PHLDB2: variants seen among roughly 807,000 people sequenced by gnomAD.
PHLDB2 encodes pleckstrin homology like domain family B member 2.
In PHLDB2, 71 loss-of-function variants were observed where a neutral mutation model predicts 123.6. The ratio of observed to expected loss-of-function variants is 0.57; its 90% CI spans 0.47 to 0.70. The LOEUF is 0.70. Ranked by LOEUF, PHLDB2 falls within the 30% of genes least tolerant of loss-of-function variation. The pLI, the probability that PHLDB2 is intolerant of heterozygous loss-of-function variation, is 0.00. For missense variants in PHLDB2, 1,446 were observed against 1,519.5 expected, an observed-to-expected ratio of 0.95 and a Z score of 0.80; for synonymous variants, 547 against 541.6, an observed-to-expected ratio of 1.01 and a Z score of -0.14.
At chr3:111,836,273 C>A (rs893484967) in intron 1 of PHLDB2, among the ~76,000 whole-genome samples, 1 of 152,156 alleles carries the variant, frequency 6.6e-6, no homozygotes, top group African/African-American at 2.4e-5. Flanking sequence ...GAATAAGAAG[C>A]CCTGTTCACC....
intron 2 of PHLDB2, among the ~76,000 whole-genome samples, chr3:111,847,634 C>T (rs1437501940): frequency 7.9e-5 from 12 of 151,000 alleles, no homozygotes; most frequent in African/African-American, 2.9e-4. Context: ...AAATGTGGAT[C>T]TTAGCTTTTT....
intron 1 of PHLDB2, among the ~76,000 whole-genome samples, chr3:111,780,439 T>G (rs2060425366): frequency 6.7e-6 from 1 of 149,800 alleles, no homozygotes; most frequent in South Asian, 2.1e-4. Context: ...AACTTTCTGT[T>G]TCACATGCCT....
At chr3:111,754,204 G>C (rs956066272) in intron 1 of PHLDB2, among the ~76,000 whole-genome samples, 1 of 149,898 alleles carries the variant, frequency 6.7e-6, no homozygotes, top group African/African-American at 2.5e-5. Flanking sequence ...TTGGTAGCTT[G>C]ATGGGGATGG....
At chr3:111,904,306 G>A (rs1399671827) in intron 2 of PHLDB2, among the ~76,000 whole-genome samples, 2 of 131,504 alleles carry the variant, frequency 1.5e-5, no homozygotes, top group African/African-American at 5.5e-5. Flanking sequence ...GGGTTCTGTG[G>A]AGGTAAGAAG....
intron 1 of PHLDB2, among the ~76,000 whole-genome samples, chr3:111,736,280 TACAAG>T (rs1399818897): frequency 6.6e-6 from 1 of 152,242 alleles, no homozygotes; most frequent in African/African-American, 2.4e-5. Flanking sequence ...TAACATAATG[TACAAG>T]ACAAATTTGT....
intron 1 of PHLDB2, among the ~76,000 whole-genome samples, chr3:111,780,396 A>AGAAGAG (rs1559827434): frequency 8.1e-5 from 4 of 49,208 alleles, no homozygotes; most frequent in African/African-American, 1.8e-4. Flanking sequence ...AAGAAGAAGA[A>AGAAGAG]GAAGAAGAAG....
rs932904272 is a variant in PHLDB2 at position 111,969,834 on chromosome 3, G to A, written c.3460G>A (p.Gly1154Ser). 1 of 1,613,888 alleles carries A rather than the reference G, an allele frequency of 6.2e-7. No homozygotes were observed. The highest frequency in any genetic ancestry group is 8.5e-7 in the Non-Finnish European group (1 of 1,179,940). The stretch of plus-strand genomic sequence containing the variant: ...CTGCCGAGGATTCCTCATCAAAATG[G>A]GTGGGAAAATTAAAACGTGGAAAAA... ...KTCRGFLIKM[G>S]GKIKTWKKRW... Residue 1154 changes from glycine (G) to serine (S), a missense_variant, in exon 16 of 18, where the codon GGT (glycine) becomes AGT (serine). By Grantham distance (56) the Gly-to-Ser change is moderately conservative. Around this residue, in one of 3 missense-constraint regions of PHLDB2, gnomAD observed 594 missense variants for 646.0 expected, o/e 0.92. Coordinates refer to ENST00000431670, the MANE Select transcript of PHLDB2 (RefSeq NM_001134438.2).
chr3:111,751,319 C>G (rs1284179845), intron 1 of PHLDB2, among the ~76,000 whole-genome samples: 1 of 152,132 alleles, frequency 6.6e-6, no homozygotes, highest in Non-Finnish European at 1.5e-5. Flanking sequence ...CAAGAAATAT[C>G]TTGCACTGAC....
intron 1 of PHLDB2, among the ~76,000 whole-genome samples, chr3:111,790,865 A>G (rs1158014354): frequency 6.6e-6 from 1 of 152,186 alleles, no homozygotes; most frequent in Non-Finnish European, 1.5e-5. Flanking sequence ...CAAGAAAACC[A>G]CCAATATCTA....
chr3:111,848,100 G>A (rs1245567694), intron 2 of PHLDB2, among the ~76,000 whole-genome samples: 2 of 152,104 alleles, frequency 1.3e-5, no homozygotes, highest in Non-Finnish European at 1.5e-5. Context: ...ACCTTCCCCC[G>A]TGTACATTCC....
chr3:111,963,228 G>A (rs1462521841), intron 13 of PHLDB2, among the ~76,000 whole-genome samples: 2 of 152,062 alleles, frequency 1.3e-5, no homozygotes, highest in Non-Finnish European at 2.9e-5. Flanking sequence ...CCCAACTCCC[G>A]TTCATTCTCC....
intron 1 of PHLDB2, among the ~76,000 whole-genome samples, chr3:111,829,927 A>AACAC (rs72357648): frequency 0.06 from 8,180 of 135,886 alleles, 281 homozygotes; most frequent in African/African-American, 0.082. Flanking sequence ...AACTATTCAA[A>AACAC]ACACACACAC....
At position 111,813,947 on chromosome 3, in the gene PHLDB2, T is replaced by C. The variant is rs140739417; in HGVS notation, c.-48-31874T>C. Among the ~76,000 whole-genome samples the C allele has an allele frequency of 3.5e-4, 53 of 152,320 alleles. 1 individual carries two copies. In the Middle Eastern group the frequency reaches 0.01, roughly 29 times the overall value. ...CATCCACTTAAGGGGCTTCTTTTTA[T>C]TCTATGTCATTTGTTCAAAATGCTC... On this transcript the variant is annotated intron_variant, in intron 1 of 17. Transcript: ENST00000393923.
upstream of PHLDB2, among the ~76,000 whole-genome samples, chr3:111,855,553 G>A (rs1200335894): frequency 2.8e-5 from 4 of 145,434 alleles, no homozygotes; most frequent in Non-Finnish European, 6.0e-5. Context: ...CTAAAAGAAA[G>A]TCTGGTAATA....
Position 111,962,439 on chromosome 3 carries a change from T to C in PHLDB2, c.3077+127T>C, listed in dbSNP as rs712521. On this transcript the variant is annotated intron_variant, in intron 13 of 17. Transcript: ENST00000431670. Reference sequence around the variant, plus strand: ...TTTTTGAGACATAAAGGGTCTGTAATGCAGAAGAGGGTTGGTATCATGATG... The same window carrying C: ...TTTTTGAGACATAAAGGGTCTGTAACGCAGAAGAGGGTTGGTATCATGATG... 20,508 of 731,446 alleles carry C rather than the reference T, an allele frequency of 0.028. 2,810 individuals are homozygous for C. In the African/African-American group the frequency reaches 0.31, roughly 11 times the overall value. 45.3% of individuals were successfully genotyped at this position (731,446 alleles called of 1,614,324 possible).
At chr3:111,938,802 C>T (rs527628068) in intron 6 of PHLDB2, among the ~76,000 whole-genome samples, 1 of 144,802 alleles carries the variant, frequency 6.9e-6, no homozygotes, top group Non-Finnish European at 1.6e-5. Context: ...TCCTTTCTTT[C>T]TTTTTTTATT....
intron 1 of PHLDB2, among the ~76,000 whole-genome samples, chr3:111,818,269 CTTGT>C (rs2062197570): frequency 6.6e-6 from 1 of 150,644 alleles, no homozygotes; most frequent in Admixed American, 6.7e-5. Flanking sequence ...GATGATAGAC[CTTGT>C]TTGAGATGAA....
intron 11 of PHLDB2, chr3:111,953,625 C>T (rs1461456967): frequency 1.1e-5 from 3 of 269,390 alleles, no homozygotes; most frequent in Non-Finnish European, 2.2e-5. Flanking sequence ...CTGCCCTCTG[C>T]TCCTTATGCA....
At chr3:111,841,381 G>A (rs10212121) in intron 1 of PHLDB2, among the ~76,000 whole-genome samples, 96,967 of 152,054 alleles carry the variant, frequency 0.64, 31,162 homozygotes, top group Middle Eastern at 0.81. Flanking sequence ...AAAGGAAGAG[G>A]AAACTTCTTG....
Sources: allele counts gnomAD v4.1 joint callset (sites outside exome capture counted in the v4.1 genomes callset), GRCh38; gene constraint gnomAD v4.1.1; regional missense constraint gnomAD v4.1.1; transcripts MANE v1.5; gene names NCBI Gene and HGNC (gene_info 2026-07-23, HGNC 2026-07-21).